CWH43: variants seen among roughly 807,000 people sequenced by gnomAD.
The protein encoded by CWH43 is cell wall biogenesis 43 C-terminal homolog, also known as PGAP2-interacting protein.
Under a neutral mutation model 85.7 loss-of-function variants are expected in CWH43, and 91 were observed. The observed-to-expected ratio is 1.06, with a 90% confidence interval of 0.90 to 1.26. CWH43 has a LOEUF of 1.26. Ranked by LOEUF, CWH43 falls within the 50% of genes most tolerant of loss-of-function variation. CWH43 has a pLI of 0.00. For synonymous variants in CWH43, 323 were observed against 293.6 expected, an observed-to-expected ratio of 1.10 and a Z score of -1.02; for missense variants, 869 against 839.2, an observed-to-expected ratio of 1.04 and a Z score of -0.44.
intron 9 of CWH43, among the ~76,000 whole-genome samples, chr4:49,025,256 G>A (rs1362102500): frequency 6.6e-6 from 1 of 151,294 alleles, no homozygotes; most frequent in Admixed American, 6.6e-5. Context: ...TTCATATCCT[G>A]TATCATTTTT....
chr4:48,987,333 T>C (rs1782527342), intron 1 of CWH43, among the ~76,000 whole-genome samples: 2 of 152,012 alleles, frequency 1.3e-5, no homozygotes. Context: ...TCTCATTTAA[T>C]CCTCCCAACA....
At chr4:49,017,739 G>C (rs995114964) in intron 9 of CWH43, among the ~76,000 whole-genome samples, 1 of 152,150 alleles carries the variant, frequency 6.6e-6, no homozygotes, top group African/African-American at 2.4e-5. Context: ...TTCTGGGGAG[G>C]CCTCAGGAAA....
chr4:49,020,634 A>T (rs1402147900), intron 9 of CWH43, among the ~76,000 whole-genome samples: 2 of 152,118 alleles, frequency 1.3e-5, no homozygotes, highest in Admixed American at 6.5e-5. Flanking sequence ...GAATCTCCAC[A>T]CTGTTTTCCA....
chr4:49,050,879 A>T, intron 15 of CWH43, 30 bp downstream of exon 15: 1 of 1,546,038 alleles, frequency 6.5e-7, no homozygotes, highest in Non-Finnish European at 8.9e-7. Context: ...AGTTCCAGTT[A>T]TGAGCTACTG....
Position 49,028,722 on chromosome 4 carries a change from C to A in CWH43, c.1360C>A (p.Leu454Ile). The A allele has an allele frequency of 6.3e-7, 1 of 1,598,574 alleles. No individual in the cohort carries two copies. The highest frequency in any genetic ancestry group is 8.6e-7 in the Non-Finnish European group (1 of 1,166,972). The change falls in exon 10 of 16, where the codon CTC becomes ATC. Residue 454 changes from leucine (L) to isoleucine (I), a missense_variant. By Grantham distance (5) the Leu-to-Ile change is conservative. Transcript: ENST00000226432. ...WSSLERSAHL[L>I]NETGADFITI... ...TAGTCTAGAAAGATCAGCTCACCTG[C>A]TCAATGAAACAGGTAAGTCTTCCTG...
intron 8 of CWH43, chr4:49,017,039 C>T (rs1783570623): frequency 1.3e-6 from 1 of 752,496 alleles, no homozygotes; most frequent in African/African-American, 1.7e-5. Context: ...GAGAGCAAAC[C>T]ACCTCAGCGT....
chr4:49,032,232 T>G (rs1784120084), intron 11 of CWH43, among the ~76,000 whole-genome samples: 1 of 152,214 alleles, frequency 6.6e-6, no homozygotes, highest in South Asian at 2.1e-4. Flanking sequence ...CCATATGTGT[T>G]GATTAATATT....
At chr4:49,030,176 G>C (rs986746583) in intron 10 of CWH43, among the ~76,000 whole-genome samples, 1 of 152,182 alleles carries the variant, frequency 6.6e-6, no homozygotes, top group Non-Finnish European at 1.5e-5. Context: ...TCAGTGCTCC[G>C]GGGTGCTCAT....
chr4:48,989,902 A>T (rs1362048493), intron 2 of CWH43, among the ~76,000 whole-genome samples: 1 of 152,254 alleles, frequency 6.6e-6, no homozygotes, highest in Non-Finnish European at 1.5e-5. Context: ...GTAAATATTA[A>T]TTGATTTCAA....
chr4:48,986,517 C>CG, intron 1 of CWH43, 45 bp downstream of exon 1: 2 of 1,549,322 alleles, frequency 1.3e-6, no homozygotes, highest in Non-Finnish European at 1.7e-6. Context: ...GCCAGCTCCC[C>CG]GGGCCATGTC....
At chr4:48,997,751 A>G (rs1240173294) in intron 5 of CWH43, among the ~76,000 whole-genome samples, 1 of 152,206 alleles carries the variant, frequency 6.6e-6, no homozygotes, top group Non-Finnish European at 1.5e-5. Context: ...TGGGGATAAT[A>G]TTAGCATTTA....
intron 9 of CWH43, among the ~76,000 whole-genome samples, chr4:49,024,077 T>C (rs1273562030): frequency 6.6e-6 from 1 of 152,198 alleles, no homozygotes; most frequent in Non-Finnish European, 1.5e-5. Flanking sequence ...GTTGGACTAG[T>C]CCTTTTATCG....
intron 5 of CWH43, among the ~76,000 whole-genome samples, chr4:48,996,272 A>AT (rs1380732674): frequency 6.6e-6 from 1 of 150,638 alleles, no homozygotes. Context: ...GAGTCAATCA[A>AT]TTTTTATATA....
chr4:48,993,533 C>T (rs551175499), intron 4 of CWH43, among the ~76,000 whole-genome samples: 1 of 152,174 alleles, frequency 6.6e-6, no homozygotes, highest in South Asian at 2.1e-4. Context: ...GATGGGGTCA[C>T]AAAGCATCTG....
intron 10 of CWH43, among the ~76,000 whole-genome samples, chr4:49,029,953 T>A (rs943802078): frequency 5.9e-5 from 9 of 152,186 alleles, no homozygotes; most frequent in Non-Finnish European, 1.3e-4. Context: ...CTGGGGCCAG[T>A]GCAGGTCCTC....
At chr4:49,007,473 C>G in intron 8 of CWH43, 147 bp downstream of exon 8, 3 of 1,050,482 alleles carry the variant, frequency 2.9e-6, no homozygotes, top group Non-Finnish European at 3.8e-6. Context: ...GCTATCTTCT[C>G]TAGTTTTTTT....
rs1489770926 is a variant in CWH43, at chr4:49,031,697, C to A, written c.1508+737C>A. On this transcript the variant is annotated intron_variant, in intron 11 of 15. Transcript: ENST00000226432. ...GGCAGAGATGATAGGTGGAATAGCA[C>A]AGATGAGAGATGACAATGGGAACAG... 3.3e-5 allele frequency among the ~76,000 whole-genome samples: 5 copies of A among 152,096 alleles called. No homozygotes were observed. The East Asian group carries it at 7.7e-4, about 23-fold the overall frequency.
At chr4:49,004,075 A>G in intron 7 of CWH43, 83 bp downstream of exon 7, 1 of 1,261,696 alleles carries the variant, frequency 7.9e-7, no homozygotes, top group East Asian at 2.5e-5. Flanking sequence ...ACTTTATGTA[A>G]CTGGTGGAAA....
At chr4:49,043,970 A>G (rs957880721) in intron 13 of CWH43, among the ~76,000 whole-genome samples, 2 of 152,128 alleles carry the variant, frequency 1.3e-5, no homozygotes, top group African/African-American at 2.4e-5. Flanking sequence ...GAAGAATTAT[A>G]TAATAAATTG....
Sources: allele counts gnomAD v4.1 joint callset (sites outside exome capture counted in the v4.1 genomes callset), GRCh38; gene constraint gnomAD v4.1.1; transcripts MANE v1.5; gene names NCBI Gene and HGNC (gene_info 2026-07-23, HGNC 2026-07-21).